CYP20A1: variants seen among roughly 807,000 people sequenced by gnomAD.
CYP20A1 encodes cytochrome P450 20A1.
In CYP20A1, 61 loss-of-function variants were observed where a neutral mutation model predicts 61.4. That is an observed-to-expected ratio of 0.99 (90% CI 0.81 to 1.23). The LOEUF (loss-of-function observed/expected upper bound fraction) is 1.23. Among genes scored for constraint, CYP20A1 ranks in the 50% most tolerant of loss-of-function variants. The pLI, the probability that CYP20A1 is intolerant of heterozygous loss-of-function variation, is 0.00. For missense variants in CYP20A1, 530 were observed against 542.4 expected (o/e 0.98, Z 0.23); for synonymous variants, 193 against 188.2 (o/e 1.03, Z -0.21).
At chr2:203,259,631 T>G (rs2067053564) in intron 4 of CYP20A1, 1 of 151,818 alleles carries the variant, frequency 6.6e-6, no homozygotes, top group Non-Finnish European at 1.5e-5. Flanking sequence ...TTGCCTGTAA[T>G]CCCAGCACTT....
chr2:203,285,822 T>A, intron 9 of CYP20A1, 90 bp downstream of exon 9: 1 of 1,188,100 alleles, frequency 8.4e-7, no homozygotes, highest in Non-Finnish European at 1.1e-6. Context: ...CTAGGAAAGC[T>A]ACATATTTTT....
chr2:203,289,163 G>A (rs1330049883), intron 9 of CYP20A1, among the ~76,000 whole-genome samples: 1 of 151,870 alleles, frequency 6.6e-6, no homozygotes, highest in African/African-American at 2.4e-5. Context: ...TGCTATGATT[G>A]GCAATCTTTA....
At chr2:203,246,021 G>A (rs557424205) in intron 2 of CYP20A1, 126 bp downstream of exon 2, 172 of 644,200 alleles carry the variant, frequency 2.7e-4, no homozygotes, top group Non-Finnish European at 3.9e-4. Context: ...GTGGAAGATC[G>A]CTTGAGGCCA....
chr2:203,274,687 T>C (rs2067741087), intron 6 of CYP20A1, among the ~76,000 whole-genome samples: 2 of 152,000 alleles, frequency 1.3e-5, no homozygotes, highest in African/African-American at 4.8e-5. Context: ...CAAAAATCCC[T>C]GTCCTCATTA....
intron 8 of CYP20A1, among the ~76,000 whole-genome samples, chr2:203,281,668 G>A (rs1055333863): frequency 1.3e-5 from 2 of 151,974 alleles, no homozygotes; most frequent in Non-Finnish European, 2.9e-5. Flanking sequence ...AAGTGTGGGG[G>A]CACATGCCTG....
chr2:203,257,944 T>C (rs2105926891), intron 4 of CYP20A1, among the ~76,000 whole-genome samples: 1 of 152,258 alleles, frequency 6.6e-6, no homozygotes, highest in Non-Finnish European at 1.5e-5. Context: ...CACTGTTGCC[T>C]GGGCTCAAGT....
At chr2:203,253,135 A>C (rs2066757710) in intron 4 of CYP20A1, among the ~76,000 whole-genome samples, 1 of 152,146 alleles carries the variant, frequency 6.6e-6, no homozygotes, top group Non-Finnish European at 1.5e-5. Flanking sequence ...TCTGGGTCAG[A>C]CTATTCGGCA....
At chr2:203,267,862 A>T (rs997498143) in intron 5 of CYP20A1, among the ~76,000 whole-genome samples, 7 of 150,770 alleles carry the variant, frequency 4.6e-5, no homozygotes, top group African/African-American at 1.7e-4. Flanking sequence ...AAAAAAAAAG[A>T]GCGATCTCAC....
chr2:203,241,136 G>A (rs889258466), intron 1 of CYP20A1, among the ~76,000 whole-genome samples: 5 of 152,316 alleles, frequency 3.3e-5, no homozygotes, highest in Admixed American at 2.0e-4. Context: ...GAAAACACCA[G>A]TTATTTTTAG....
At chr2:203,270,740 T>G (rs928823447) in intron 5 of CYP20A1, among the ~76,000 whole-genome samples, 3 of 147,218 alleles carry the variant, frequency 2.0e-5, no homozygotes, top group Admixed American at 6.8e-5. Flanking sequence ...TTTTTTCTTT[T>G]TTTTTTTTTT....
intron 4 of CYP20A1, among the ~76,000 whole-genome samples, chr2:203,265,372 CTTA>C (rs2067282920): frequency 6.6e-6 from 1 of 152,150 alleles, no homozygotes; most frequent in South Asian, 2.1e-4. Flanking sequence ...GCATTCTTGG[CTTA>C]TTATAATCTA....
chr2:203,278,530 A>G lies in CYP20A1; in HGVS notation c.680-43A>G, dbSNP rs566425987. 106 of 931,618 alleles carry G rather than the reference A, an allele frequency of 1.1e-4. 1 individual carries two copies. The Middle Eastern group carries it at 4.8e-3, about 42-fold the overall frequency. The allele number at this position is 931,618 out of a possible 1,614,324, so 57.7% of individuals were successfully genotyped here. A position where few individuals can be genotyped will look rare whatever the true frequency, so the allele number is the denominator to read the frequency against. ...ATTATTTTTTTAAAGTTCAGTCTCC[A>G]CTAATGCTTGTATTCTAAAATTATT... On this transcript the variant is annotated intron_variant, in intron 6 of 12. Transcript: ENST00000356079.
rs1295971681 is a variant in CYP20A1, at chr2:203,303,792, A to G, written c.*6884A>G. On this transcript the variant is annotated 3_prime_UTR_variant, in exon 13 of 13. Transcript: ENST00000356079. The stretch of plus-strand genomic sequence containing the variant: ...TTGGGAGGCTGAGGCATGAGAAAAA[A>G]AATAAACCTGGGAGGTGGAGGTTGC... Among the ~76,000 whole-genome samples, 1 of 151,874 alleles carries G rather than the reference A, an allele frequency of 6.6e-6. No individual in the cohort carries two copies. The highest frequency in any genetic ancestry group is 2.4e-5 in the African/African-American group (1 of 41,344).
Position 203,303,064 on chromosome 2 carries a change from G to A in CYP20A1, c.*6156G>A, listed in dbSNP as rs1485130839. On this transcript the variant is annotated 3_prime_UTR_variant, in exon 13 of 13. Transcript: ENST00000356079. ...CACCCAGGCTGGAGTGTGGTGGCAC[G>A]ATCTTGGCTCACTGCAACCCCTGCC... 6.6e-6 allele frequency among the ~76,000 whole-genome samples: 1 copy of A among 151,632 alleles called. No homozygotes were observed. Among genetic ancestry groups the A allele is most frequent in the Admixed American group, 6.6e-5 (1 of 15,180 alleles).
chr2:203,282,131 C>A (rs1432044763), intron 8 of CYP20A1, among the ~76,000 whole-genome samples: 2 of 148,716 alleles, frequency 1.3e-5, no homozygotes, highest in Non-Finnish European at 3.0e-5. Context: ...TCCACCTCCT[C>A]GATTCAAGTG....
intron 5 of CYP20A1, among the ~76,000 whole-genome samples, chr2:203,272,383 A>C (rs2067636978): frequency 6.6e-6 from 1 of 151,950 alleles, no homozygotes; most frequent in Non-Finnish European, 1.5e-5. Flanking sequence ...CTCTACAAAA[A>C]ATAGAAAAAT....
chr2:203,283,189 C>G (rs1479601823), intron 8 of CYP20A1, among the ~76,000 whole-genome samples: 6 of 143,270 alleles, frequency 4.2e-5, no homozygotes. Context: ...AAAAAACCCA[C>G]AAACCAAAAG....
At chr2:203,272,823 T>A (rs918986780) in intron 6 of CYP20A1, 75 bp downstream of exon 6, 7 of 859,382 alleles carry the variant, frequency 8.1e-6, no homozygotes, top group Non-Finnish European at 1.1e-5. Context: ...AATCTCTGAA[T>A]AGTGAGATTA....
intron 4 of CYP20A1, among the ~76,000 whole-genome samples, chr2:203,255,468 G>T (rs915744929): frequency 6.6e-6 from 1 of 152,112 alleles, no homozygotes; most frequent in African/African-American, 2.4e-5. Flanking sequence ...TTTGAGATTT[G>T]TATTGGTTTA....
Sources: gnomAD v4.1 joint callset for allele counts (sites outside exome capture counted in the v4.1 genomes callset) on GRCh38, gnomAD v4.1.1 for gene constraint, MANE v1.5 for transcripts, NCBI Gene and HGNC (gene_info 2026-07-23, HGNC 2026-07-21) for gene names.